Variants in JARID2 observed in about 807,000 individuals in gnomAD.
JARID2 encodes the protein protein Jumonji.
JARID2 carries 21 observed loss-of-function variants against 125.6 expected under a neutral mutation model. That is an observed-to-expected ratio of 0.17 (90% CI 0.12 to 0.24). JARID2 has a LOEUF of 0.24. Among genes scored for constraint, JARID2 ranks in the 10% least tolerant of loss-of-function variants. JARID2 has a pLI of 1.00. For synonymous variants in JARID2, 736 were observed against 661.6 expected, an observed-to-expected ratio of 1.11 and a Z score of -1.73; for missense variants, 1,303 against 1,639.6, an observed-to-expected ratio of 0.79 and a Z score of 3.55.
chr6:15,276,996 A>G (rs915062251), intron 1 of JARID2, among the ~76,000 whole-genome samples: 1 of 152,232 alleles, frequency 6.6e-6, no homozygotes, highest in Non-Finnish European at 1.5e-5. Context: ...GAAGTTCGTT[A>G]GAAGATGAGA....
chr6:15,441,579 G>C (rs1767446432), intron 3 of JARID2, among the ~76,000 whole-genome samples: 1 of 152,090 alleles, frequency 6.6e-6, no homozygotes, highest in East Asian at 1.9e-4. Flanking sequence ...TGAGAGGGAG[G>C]ACATGTAAGA....
intron 6 of JARID2, among the ~76,000 whole-genome samples, chr6:15,495,408 G>A (rs1195826423): frequency 6.6e-6 from 1 of 152,170 alleles, no homozygotes. Flanking sequence ...GGGTTGGCAT[G>A]TGTTGCTTCA....
At chr6:15,488,328 C>CAGCT (rs1453784783) in intron 6 of JARID2, among the ~76,000 whole-genome samples, 1 of 152,248 alleles carries the variant, frequency 6.6e-6, no homozygotes, top group Non-Finnish European at 1.5e-5. Context: ...TGCAGGCACA[C>CAGCT]AGCTGAGGGC....
In JARID2 at chr6:15,431,011, C is replaced by T. The variant is rs143504836; in HGVS notation, c.323+20646C>T. ...GTGACAGCCTGTAGACTATTGGTAC[C>T]GTGCAGGGCTGTAATCTGCTTGTTG... On this transcript the variant is annotated intron_variant, in intron 3 of 17. Coordinates refer to ENST00000341776, the MANE Select transcript of JARID2 (RefSeq NM_004973.4). Among the ~76,000 whole-genome samples the T allele has an allele frequency of 4.5e-3, 689 of 152,246 alleles. 5 individuals are homozygous for T. The highest frequency in any genetic ancestry group is 0.019 in the South Asian group (91 of 4,812).
chr6:15,433,922 GT>G (rs1561860280), intron 3 of JARID2, among the ~76,000 whole-genome samples: 1,151 of 5,680 alleles, frequency 0.2, 14 homozygotes, highest in African/African-American at 0.38. Flanking sequence ...ACTCTCCAGG[GT>G]GTGTGTGTGT....
chr6:15,276,335 G>A (rs1047810386), intron 1 of JARID2, among the ~76,000 whole-genome samples: 4 of 152,232 alleles, frequency 2.6e-5, no homozygotes, highest in African/African-American at 7.2e-5. Context: ...TCTACATGGC[G>A]TGGGAGACAT....
chr6:15,302,187 G>C (rs1761647889), intron 1 of JARID2, among the ~76,000 whole-genome samples: 1 of 152,118 alleles, frequency 6.6e-6, no homozygotes, highest in Admixed American at 6.5e-5. Context: ...AGGCCGAGGT[G>C]GGCAGATCAC....
intron 1 of JARID2, among the ~76,000 whole-genome samples, chr6:15,359,802 TCGGCGTC>T (rs1008530710): frequency 4.1e-4 from 63 of 152,046 alleles, no homozygotes; most frequent in Admixed American, 1.3e-3. Context: ...TTCTCCTGTC[TCGGCGTC>T]CTGAGTAGCT....
rs3117777 is a variant in JARID2 at position 15,320,854 on chromosome 6, G to C, written c.46-53263G>C. Among the ~76,000 whole-genome samples, 532 of 141,234 alleles carry C rather than the reference G, an allele frequency of 3.8e-3. 2 individuals carry two copies. The highest frequency in any genetic ancestry group is 8.2e-3 in the East Asian group (41 of 5,020). The allele number at this position is 141,234 out of a possible 152,430, so 92.7% of individuals were successfully genotyped here. A position where few individuals can be genotyped will look rare whatever the true frequency, so the allele number is the denominator to read the frequency against. On this transcript the variant is annotated intron_variant, in intron 1 of 17. Transcript: ENST00000341776. Reference sequence around the variant, plus strand: ...TATGATTCATTCTCTCTCTCTCTCTGTGTGTGTGTGTGTGTGTGTGTGTGT... The same window carrying C: ...TATGATTCATTCTCTCTCTCTCTCTCTGTGTGTGTGTGTGTGTGTGTGTGT...
chr6:15,470,449 A>C (rs1769020333), intron 5 of JARID2, among the ~76,000 whole-genome samples: 1 of 152,206 alleles, frequency 6.6e-6, no homozygotes. Context: ...TTCACCGGGA[A>C]ATAGAGGCTC....
chr6:15,506,984 T>A (rs1183056899), intron 9 of JARID2, 152 bp from the exon 10 acceptor site: 3 of 615,398 alleles, frequency 4.9e-6, no homozygotes, highest in African/African-American at 1.8e-5. Flanking sequence ...GCTTTCTGCA[T>A]TAGCGTCCTG....
intron 3 of JARID2, among the ~76,000 whole-genome samples, chr6:15,420,183 T>C (rs1264328262): frequency 6.6e-6 from 1 of 152,152 alleles, no homozygotes; most frequent in Non-Finnish European, 1.5e-5. Context: ...GGCGGGTGGA[T>C]CACCAGGTCA....
chr6:15,385,989 C>A (rs940211429), intron 2 of JARID2, among the ~76,000 whole-genome samples: 1 of 152,196 alleles, frequency 6.6e-6, no homozygotes, highest in African/African-American at 2.4e-5. Context: ...ACATTCATCG[C>A]ATCCCTGTTT....
intron 2 of JARID2, among the ~76,000 whole-genome samples, chr6:15,395,272 A>G (rs1765175184): frequency 6.6e-6 from 1 of 152,052 alleles, no homozygotes; most frequent in South Asian, 2.1e-4. Flanking sequence ...GTTTTGACCT[A>G]TCAGCCCTTT....
chr6:15,305,678 G>C (rs1761793602), intron 1 of JARID2, among the ~76,000 whole-genome samples: 1 of 152,144 alleles, frequency 6.6e-6, no homozygotes, highest in Admixed American at 6.5e-5. Context: ...ATTGTTGACT[G>C]AAAATAAATG....
chr6:15,512,797 TA>T, intron 14 of JARID2, 117 bp from the exon 15 acceptor site: 1 of 1,043,546 alleles, frequency 9.6e-7, no homozygotes, highest in Non-Finnish European at 1.4e-6. Flanking sequence ...GTTTTTAATC[TA>T]AATGCAATTC....
chr6:15,447,325 G>A (rs1767717264), intron 3 of JARID2, among the ~76,000 whole-genome samples: 1 of 152,120 alleles, frequency 6.6e-6, no homozygotes. Flanking sequence ...AAGGGTACAT[G>A]TGGAGTTCCT....
At chr6:15,508,915 T>C (rs1771135681) in intron 12 of JARID2, 1 of 1,259,894 alleles carries the variant, frequency 7.9e-7, no homozygotes, top group Admixed American at 2.3e-5. Flanking sequence ...TCATCAGCCC[T>C]CTAGTAACTG....
chr6:15,304,750 A>G (rs942525253), intron 1 of JARID2, among the ~76,000 whole-genome samples: 1 of 152,146 alleles, frequency 6.6e-6, no homozygotes, highest in East Asian at 1.9e-4. Context: ...GCTCTGGCCA[A>G]TTTACTTAGT....
Sources: gnomAD v4.1 joint callset for allele counts (sites outside exome capture counted in the v4.1 genomes callset) on GRCh38, gnomAD v4.1.1 for gene constraint, MANE v1.5 for transcripts, NCBI Gene and HGNC (gene_info 2026-07-23, HGNC 2026-07-21) for gene names.